Variants in IL7 observed in about 807,000 individuals in gnomAD.
The protein encoded by IL7 is interleukin 7, also known as interleukin-7.
IL7 carries 3 observed loss-of-function variants against 21.6 expected under a neutral mutation model. The observed-to-expected ratio is 0.14, with a 90% confidence interval of 0.06 to 0.36. The LOEUF is 0.36. Ranked by LOEUF, IL7 falls within the 10% of genes least tolerant of loss-of-function variation. The pLI, the probability that IL7 is intolerant of heterozygous loss-of-function variation, is 1.00. For missense variants in IL7, 175 were observed against 200.2 expected (o/e 0.87, Z 0.76); for synonymous variants, 62 against 68.1 (o/e 0.91, Z 0.44).
intron 1 of IL7, among the ~76,000 whole-genome samples, chr8:78,803,076 C>T (rs751418427): frequency 9.2e-5 from 14 of 152,142 alleles, no homozygotes; most frequent in Non-Finnish European, 1.5e-4. Context: ...ATGAAATGGC[C>T]TTTTCCATTT....
chr8:78,750,237 A>G (rs1812121809), intron 2 of IL7, among the ~76,000 whole-genome samples: 1 of 152,072 alleles, frequency 6.6e-6, no homozygotes, highest in South Asian at 2.1e-4. Flanking sequence ...GGAGGGGAAA[A>G]AAAAGAGCAG....
intron 3 of IL7, among the ~76,000 whole-genome samples, chr8:78,702,530 T>C (rs1244595095): frequency 6.6e-6 from 1 of 152,208 alleles, no homozygotes; most frequent in Non-Finnish European, 1.5e-5. Context: ...TTCTTGTTTT[T>C]CTAGTTCTTT....
chr8:78,737,732 T>G (rs1401749814), intron 4 of IL7, among the ~76,000 whole-genome samples: 1 of 152,148 alleles, frequency 6.6e-6, no homozygotes, highest in Non-Finnish European at 1.5e-5. Flanking sequence ...AAAATGTTAT[T>G]TAAGAAAATA....
intron 2 of IL7, among the ~76,000 whole-genome samples, chr8:78,790,675 T>A (rs1175521133): frequency 2.6e-5 from 4 of 152,008 alleles, no homozygotes; most frequent in African/African-American, 9.7e-5. Flanking sequence ...AAATCATAGA[T>A]AATTTTAAAA....
rs1305737588 is a variant in IL7 at position 78,760,708 on chromosome 8, G to T, written c.148-20626C>A. 3 of 1,566,274 alleles carry T rather than the reference G, an allele frequency of 1.9e-6. No individual in the cohort carries two copies. In the African/African-American group the frequency reaches 4.5e-5, roughly 24 times the overall value. On this transcript the variant is annotated intron_variant, in intron 2 of 5. Transcript: ENST00000263851. ...TTGGGACACTTAGGGTTTCTTTATA[G>T]TAACTCTCAAAGGTTAGCTGAGATT...
intron 2 of IL7, among the ~76,000 whole-genome samples, chr8:78,753,457 T>A (rs1204191149): frequency 6.6e-6 from 1 of 152,224 alleles, no homozygotes; most frequent in Non-Finnish European, 1.5e-5. Context: ...TTAAGTTCCT[T>A]GTAGATTCTG....
chr8:78,724,368 G>C (rs1412471074), intron 3 of IL7, among the ~76,000 whole-genome samples: 1 of 151,906 alleles, frequency 6.6e-6, no homozygotes, highest in Non-Finnish European at 1.5e-5. Context: ...ATCTACATAT[G>C]TATGAAATAT....
rs527468162 is a variant in IL7, at chr8:78,719,306, T to G, written n.477-196A>C. 5 of 151,894 alleles carry G rather than the reference T, an allele frequency of 3.3e-5. No homozygotes were observed. The South Asian group carries it at 8.3e-4, about 25-fold the overall frequency. The allele number at this position is 151,894 out of a possible 1,614,324, so 9.4% of individuals were successfully genotyped here. A position where few individuals can be genotyped will look rare whatever the true frequency, so the allele number is the denominator to read the frequency against. ...AGATAAATAATTGGCACACATTTGT[T>G]TCTCACTGAATTTTACAGTAGTAAA... is the stretch of plus-strand genomic sequence containing the variant. On this transcript the variant is annotated intron_variant and non_coding_transcript_variant, in intron 5 of 6. Coordinates refer to the IL7 transcript ENST00000519833.
downstream of IL7, among the ~76,000 whole-genome samples, chr8:78,714,040 T>C (rs73249933): frequency 0.091 from 13,894 of 152,144 alleles, 831 homozygotes; most frequent in East Asian, 0.29. Context: ...GTAAGAAAAA[T>C]TTCAACTAAA....
chr8:78,741,348 T>G (rs1048083029), intron 2 of IL7, among the ~76,000 whole-genome samples: 2 of 152,242 alleles, frequency 1.3e-5, no homozygotes, highest in African/African-American at 4.8e-5. Flanking sequence ...TATTTGCCTA[T>G]TAAGTCATTT....
At chr8:78,775,867 G>T (rs1364976637) in intron 2 of IL7, among the ~76,000 whole-genome samples, 1 of 152,032 alleles carries the variant, frequency 6.6e-6, no homozygotes, top group Non-Finnish European at 1.5e-5. Context: ...CTCTGTGTAA[G>T]ATTTTACTTC....
chr8:78,754,131 T>C (rs1812267724), intron 2 of IL7, among the ~76,000 whole-genome samples: 1 of 152,166 alleles, frequency 6.6e-6, no homozygotes, highest in South Asian at 2.1e-4. Flanking sequence ...GATGATGTGA[T>C]TGTATATTTA....
At chr8:78,802,426 T>TTC (rs924168645) in intron 1 of IL7, among the ~76,000 whole-genome samples, 2 of 151,496 alleles carry the variant, frequency 1.3e-5, no homozygotes, top group South Asian at 4.2e-4. Context: ...TTTCGTATTT[T>TTC]TCTCTCTCTT....
chr8:78,704,702 G>A lies in IL7; in HGVS notation n.214+16646C>T, dbSNP rs144964645. On this transcript the variant is annotated intron_variant and non_coding_transcript_variant, in intron 3 of 4. Coordinates refer to the IL7 transcript ENST00000523959. ...ATCCTGAAATATGTTTTTCAAATTG[G>A]TGCCATTCTCCTCATCTCTTTCAGA... Among the ~76,000 whole-genome samples the A allele has an allele frequency of 1.6e-3, 251 of 152,264 alleles. 1 individual carries two copies. The highest frequency in any genetic ancestry group is 0.01 in the Middle Eastern group (3 of 294).
At chr8:78,751,440 A>G (rs1365654657) in intron 2 of IL7, among the ~76,000 whole-genome samples, 1 of 152,226 alleles carries the variant, frequency 6.6e-6, no homozygotes, top group Admixed American at 6.5e-5. Flanking sequence ...CCTTTCTCAG[A>G]CAAACAAAAA....
At chr8:78,796,745 C>A (rs868642555) in intron 2 of IL7, among the ~76,000 whole-genome samples, 1 of 151,880 alleles carries the variant, frequency 6.6e-6, no homozygotes. Flanking sequence ...ATCTGCAAAA[C>A]TGATAATACC....
chr8:78,714,877 G>T (rs541231491), downstream of IL7, among the ~76,000 whole-genome samples: 1 of 151,808 alleles, frequency 6.6e-6, no homozygotes, highest in Non-Finnish European at 1.5e-5. Flanking sequence ...ACCATTATCC[G>T]TAAGCATTTA....
chr8:78,734,121 A>G (rs924476199), intron 5 of IL7, among the ~76,000 whole-genome samples: 1 of 152,218 alleles, frequency 6.6e-6, no homozygotes, highest in Non-Finnish European at 1.5e-5. Context: ...TTGGAATTTC[A>G]TGAGAAAGGT....
At chr8:78,784,802 T>G (rs1227777376) in intron 2 of IL7, among the ~76,000 whole-genome samples, 1 of 152,146 alleles carries the variant, frequency 6.6e-6, no homozygotes, top group Non-Finnish European at 1.5e-5. Flanking sequence ...TGCTATCAAT[T>G]GACCTTTTAC....
Sources: allele counts gnomAD v4.1 joint callset (sites outside exome capture counted in the v4.1 genomes callset), GRCh38; gene constraint gnomAD v4.1.1; transcripts MANE v1.5; gene names NCBI Gene and HGNC (gene_info 2026-07-23, HGNC 2026-07-21).